Variants in PTPRD observed in about 807,000 individuals in gnomAD.
The protein encoded by PTPRD is receptor-type tyrosine-protein phosphatase delta.
In PTPRD, 34 loss-of-function variants were observed where a neutral mutation model predicts 214.5. The ratio of observed to expected loss-of-function variants is 0.16; its 90% CI spans 0.12 to 0.21. The LOEUF (loss-of-function observed/expected upper bound fraction) is 0.21, where lower values mean the gene tolerates loss of function less well. Among genes scored for constraint, PTPRD ranks in the 10% least tolerant of loss-of-function variants. The pLI, the probability that PTPRD is intolerant of heterozygous loss-of-function variation, is 1.00. For missense variants in PTPRD, 2,545 were observed against 2,398.7 expected (o/e 1.06, Z -1.27); for synonymous variants, 1,128 against 845.7 (o/e 1.33, Z -5.79).
At chr9:8,741,982 G>C (rs1478953635) in intron 11 of PTPRD, among the ~76,000 whole-genome samples, 1 of 152,064 alleles carries the variant, frequency 6.6e-6, no homozygotes, top group African/African-American at 2.4e-5. Context: ...AAGAGGTCTA[G>C]ACAAGACATT....
chr9:9,959,717 C>T (rs1229415381), intron 4 of PTPRD, among the ~76,000 whole-genome samples: 1 of 152,052 alleles, frequency 6.6e-6, no homozygotes, highest in Non-Finnish European at 1.5e-5. Flanking sequence ...CCACAGGGTA[C>T]AGGTTAACAA....
intron 7 of PTPRD, among the ~76,000 whole-genome samples, chr9:9,609,668 G>A (rs142381470): frequency 2.8e-4 from 43 of 152,222 alleles, no homozygotes; most frequent in African/African-American, 1.0e-3. Context: ...TCCCCATGTT[G>A]GCCAGGCTGG....
intron 5 of PTPRD, among the ~76,000 whole-genome samples, chr9:9,886,072 A>G (rs1468088514): frequency 2.0e-5 from 3 of 152,170 alleles, no homozygotes; most frequent in African/African-American, 7.2e-5. Flanking sequence ...TGCTATGGAT[A>G]GAAAACAGAA....
chr9:9,051,857 A>C (rs1387398365), intron 10 of PTPRD, among the ~76,000 whole-genome samples: 1 of 152,166 alleles, frequency 6.6e-6, no homozygotes, highest in Non-Finnish European at 1.5e-5. Context: ...TGCCTGGTCA[A>C]AATTCTATAT....
rs111655282 is a variant in PTPRD at position 10,187,981 on chromosome 9, A to G, written c.-545+152982T>C. 9.7e-3 allele frequency among the ~76,000 whole-genome samples: 1,477 copies of G among 152,248 alleles called. 23 individuals carry two copies. The highest frequency in any genetic ancestry group is 0.034 in the African/African-American group (1,409 of 41,536). The stretch of plus-strand genomic sequence containing the variant: ...TTATGGAATCCATATTAAATTATTT[A>G]GTTTGACATTGAGAAGTCTCTACAA... On this transcript the variant is annotated intron_variant, in intron 3 of 45. Coordinates refer to ENST00000381196, the MANE Select transcript of PTPRD (RefSeq NM_002839.4).
intron 12 of PTPRD, among the ~76,000 whole-genome samples, chr9:8,711,961 T>C (rs779116574): frequency 3.9e-5 from 6 of 152,212 alleles, no homozygotes; most frequent in Non-Finnish European, 7.3e-5. Flanking sequence ...AAAGGCTACA[T>C]ATTGCGGCAG....
intron 5 of PTPRD, among the ~76,000 whole-genome samples, chr9:9,919,677 T>G (rs1206794991): frequency 1.3e-5 from 2 of 152,130 alleles, no homozygotes; most frequent in Admixed American, 1.3e-4. Context: ...GATTTGCATT[T>G]TAAAAGTTGG....
intron 3 of PTPRD, among the ~76,000 whole-genome samples, chr9:10,328,198 C>G (rs898044807): frequency 5.9e-5 from 9 of 151,624 alleles, no homozygotes; most frequent in Non-Finnish European, 1.2e-4. Flanking sequence ...CTGTAATACA[C>G]TCTTAGTAGC....
chr9:10,014,194 G>A (rs2096655260), intron 4 of PTPRD, among the ~76,000 whole-genome samples: 1 of 151,898 alleles, frequency 6.6e-6, no homozygotes, highest in Admixed American at 6.6e-5. Flanking sequence ...AATCAGTAAT[G>A]ATAATGAAAT....
At chr9:9,638,907 C>A (rs1315496647) in intron 7 of PTPRD, among the ~76,000 whole-genome samples, 1 of 152,070 alleles carries the variant, frequency 6.6e-6, no homozygotes, top group Non-Finnish European at 1.5e-5. Context: ...CTTCACAGAG[C>A]AGAAGGTGAA....
intron 7 of PTPRD, among the ~76,000 whole-genome samples, chr9:9,703,693 A>G (rs1449488994): frequency 6.6e-6 from 1 of 152,140 alleles, no homozygotes; most frequent in African/African-American, 2.4e-5. Flanking sequence ...GAGAAAATCT[A>G]TTTGTTAATA....
chr9:10,167,610 C>T (rs761185931), intron 3 of PTPRD, among the ~76,000 whole-genome samples: 21 of 152,088 alleles, frequency 1.4e-4, no homozygotes, highest in Admixed American at 3.3e-4. Context: ...AGTGGATGTA[C>T]GGAGTTTTAA....
chr9:9,626,551 G>A (rs2095431736), intron 7 of PTPRD, among the ~76,000 whole-genome samples: 1 of 152,056 alleles, frequency 6.6e-6, no homozygotes, highest in Non-Finnish European at 1.5e-5. Context: ...AAAAAGAAGA[G>A]GAAGGAAGGA....
At chr9:9,395,191 A>T (rs7865810) in intron 9 of PTPRD, among the ~76,000 whole-genome samples, 1 of 150,072 alleles carries the variant, frequency 6.7e-6, no homozygotes, top group East Asian at 2.0e-4. Flanking sequence ...ATGAAACAAA[A>T]AAAAAAAAAA....
At chr9:8,933,339 G>GGTTTTTTTTTTTTT (rs2098966566) in intron 11 of PTPRD, among the ~76,000 whole-genome samples, 2 of 68,804 alleles carry the variant, frequency 2.9e-5, no homozygotes, top group East Asian at 1.2e-3. Context: ...ACAACCTTGA[G>GGTTTTTTTTTTTTT]GTTTTTTTTT....
At chr9:8,370,134 C>A (rs1403781388) in intron 39 of PTPRD, among the ~76,000 whole-genome samples, 1 of 151,714 alleles carries the variant, frequency 6.6e-6, no homozygotes, top group Non-Finnish European at 1.5e-5. Flanking sequence ...AAAGTTCTGC[C>A]CCAAAATCAC....
intron 3 of PTPRD, among the ~76,000 whole-genome samples, chr9:10,251,824 T>A (rs2092800209): frequency 6.6e-6 from 1 of 152,052 alleles, no homozygotes. Flanking sequence ...CTCATAGAAA[T>A]AGTAGAATGA....
intron 7 of PTPRD, among the ~76,000 whole-genome samples, chr9:9,617,997 G>A (rs546822830): frequency 6.8e-6 from 1 of 146,116 alleles, no homozygotes; most frequent in East Asian, 2.1e-4. Flanking sequence ...GCGTGAACCC[G>A]GGAGGCGGAG....
chr9:9,559,329 G>A (rs1049987823), intron 8 of PTPRD, among the ~76,000 whole-genome samples: 18 of 152,292 alleles, frequency 1.2e-4, no homozygotes, highest in African/African-American at 3.1e-4. Flanking sequence ...CACCCATCCC[G>A]CTATTACTAA....
Sources: gnomAD v4.1 joint callset for allele counts (sites outside exome capture counted in the v4.1 genomes callset) on GRCh38, gnomAD v4.1.1 for gene constraint, MANE v1.5 for transcripts, NCBI Gene and HGNC (gene_info 2026-07-23, HGNC 2026-07-21) for gene names.